The following SPEF2 variants were observed in gnomAD, a reference collection of about 807,000 sequenced individuals.
The protein encoded by SPEF2 is sperm flagella and cilia-associated protein 2.
Under a neutral mutation model 224.6 loss-of-function variants are expected in SPEF2, and 187 were observed. The ratio of observed to expected loss-of-function variants is 0.83; its 90% CI spans 0.74 to 0.94. The LOEUF is 0.94. SPEF2 is among the 40% of genes least tolerant of loss of function. The probability of loss-of-function intolerance (pLI) is 0.00; values close to 1 mark genes in which losing one functional copy is unlikely to be tolerated. For synonymous variants in SPEF2, 715 were observed against 707.3 expected, an observed-to-expected ratio of 1.01 and a Z score of -0.17; for missense variants, 2,170 against 2,135.6, an observed-to-expected ratio of 1.02 and a Z score of -0.32.
At chr5:35,698,324 A>G (rs13328131) in intron 15 of SPEF2, 23,092 of 152,198 alleles carry the variant, frequency 0.15, 2,916 homozygotes, top group African/African-American at 0.34. Context: ...CTCTGCATCT[A>G]GAATGGACTT....
chr5:35,751,113 A>ATATATATATATATATATG (rs1749578657), intron 23 of SPEF2, among the ~76,000 whole-genome samples: 1 of 120,490 alleles, frequency 8.3e-6, no homozygotes, highest in African/African-American at 3.3e-5. Context: ...ATATATATAT[A>ATATATATATATATATATG]TATATGATGG....
intron 6 of SPEF2, among the ~76,000 whole-genome samples, chr5:35,652,199 G>A (rs1748289568): frequency 6.6e-6 from 1 of 152,132 alleles, no homozygotes. Context: ...AGTACATAAT[G>A]TGTAGTTTTT....
At chr5:35,653,277 T>C (rs897222016) in intron 6 of SPEF2, among the ~76,000 whole-genome samples, 1 of 152,214 alleles carries the variant, frequency 6.6e-6, no homozygotes, top group Non-Finnish European at 1.5e-5. Flanking sequence ...CTTGAATCTC[T>C]AGGGCATGAG....
intron 23 of SPEF2, among the ~76,000 whole-genome samples, chr5:35,745,279 G>A (rs1748315167): frequency 6.6e-6 from 1 of 152,166 alleles, no homozygotes; most frequent in African/African-American, 2.4e-5. Context: ...AAAATCTCTA[G>A]CTGAACCTTG....
intron 30 of SPEF2, among the ~76,000 whole-genome samples, chr5:35,785,602 T>TG (rs1457151773): frequency 6.6e-6 from 1 of 151,746 alleles, no homozygotes; most frequent in African/African-American, 2.4e-5. Flanking sequence ...TAGAGTGCAG[T>TG]GGCACAATCA....
At chr5:35,646,890 C>G (rs1747451602) in intron 5 of SPEF2, 83 bp downstream of exon 5, 1 of 1,441,324 alleles carries the variant, frequency 6.9e-7, no homozygotes, top group African/African-American at 1.4e-5. Flanking sequence ...AGAGACTTTC[C>G]AAAACTTCAC....
At position 35,695,809 on chromosome 5, in the gene SPEF2, A is replaced by T. The variant is rs777466293; in HGVS notation, c.2037+13A>T. 1 of 1,584,806 alleles carries T rather than the reference A, an allele frequency of 6.3e-7. No individual in the cohort carries two copies. Among genetic ancestry groups the T allele is most frequent in the South Asian group, 1.1e-5 (1 of 87,706 alleles). ...TAGTTTCTTAAAAGTAAGTATTATG[A>T]TCTAATTTTAGCTACTAACATATTA... On this transcript the variant is annotated intron_variant, in intron 14 of 36. Coordinates refer to ENST00000356031, the MANE Select transcript of SPEF2 (RefSeq NM_024867.4).
intron 2 of SPEF2, among the ~76,000 whole-genome samples, chr5:35,638,780 TG>T (rs1473959249): frequency 6.6e-6 from 1 of 152,198 alleles, no homozygotes; most frequent in Admixed American, 6.5e-5. Context: ...TCCTGAAAGT[TG>T]CAGCGTGTGT....
intron 10 of SPEF2, among the ~76,000 whole-genome samples, chr5:35,683,579 C>T (rs760084557): frequency 6.6e-5 from 10 of 152,284 alleles, no homozygotes; most frequent in Non-Finnish European, 8.8e-5. Context: ...TAGCCAAGAT[C>T]GCGCTACTGC....
chr5:35,803,547 G>T (rs1380352918), intron 34 of SPEF2, among the ~76,000 whole-genome samples: 2 of 152,162 alleles, frequency 1.3e-5, no homozygotes, highest in African/African-American at 4.8e-5. Context: ...TCACACACAG[G>T]CCTGTTCCTG....
chr5:35,644,270 T>C lies in SPEF2; in HGVS notation c.415-85T>C, dbSNP rs1747031119. 4 of 1,201,730 alleles carry C rather than the reference T, an allele frequency of 3.3e-6. No individual in the cohort carries two copies. The African/African-American group carries it at 4.6e-5, about 14-fold the overall frequency. The allele number at this position is 1,201,730 out of a possible 1,614,324, so 74.4% of individuals were successfully genotyped here. A position where few individuals can be genotyped will look rare whatever the true frequency, so the allele number is the denominator to read the frequency against. ...CAATAGTAATTTAAAGAATTTCATT[T>C]TGAAGACAAATTTTATTTGTGCTTA... On this transcript the variant is annotated intron_variant, in intron 3 of 36. Transcript: ENST00000356031.
intron 14 of SPEF2, among the ~76,000 whole-genome samples, chr5:35,697,243 C>A (rs1487533329): frequency 1.3e-5 from 2 of 152,038 alleles, no homozygotes. Flanking sequence ...TATTTGAGTG[C>A]TAAAAGAAGA....
intron 21 of SPEF2, among the ~76,000 whole-genome samples, chr5:35,732,877 T>A (rs1438347267): frequency 6.6e-6 from 1 of 152,068 alleles, no homozygotes; most frequent in Admixed American, 6.5e-5. Context: ...ATCACATAAC[T>A]TTTTTTACAG....
At chr5:35,800,877 A>G (rs1757326552) in intron 34 of SPEF2, among the ~76,000 whole-genome samples, 1 of 152,208 alleles carries the variant, frequency 6.6e-6, no homozygotes, top group African/African-American at 2.4e-5. Flanking sequence ...GAGACTCCTC[A>G]GATGTTCCAG....
intron 32 of SPEF2, among the ~76,000 whole-genome samples, chr5:35,795,006 C>T (rs1188019725): frequency 6.6e-6 from 1 of 152,056 alleles, no homozygotes; most frequent in Non-Finnish European, 1.5e-5. Context: ...CAGCTCATTG[C>T]CCCTCCCCCC....
chr5:35,631,523 A>G (rs2149377874), intron 2 of SPEF2, among the ~76,000 whole-genome samples: 1 of 152,342 alleles, frequency 6.6e-6, no homozygotes, highest in East Asian at 1.9e-4. Flanking sequence ...GTGTGAATTT[A>G]ACTAATTCAG....
intron 32 of SPEF2, among the ~76,000 whole-genome samples, chr5:35,795,111 C>T (rs757678396): frequency 1.4e-4 from 22 of 152,042 alleles, no homozygotes; most frequent in Admixed American, 3.3e-4. Context: ...AAATAGTATG[C>T]TTGCATTGCG....
At chr5:35,718,286 T>C (rs1208095939) in intron 20 of SPEF2, among the ~76,000 whole-genome samples, 1 of 152,116 alleles carries the variant, frequency 6.6e-6, no homozygotes, top group African/African-American at 2.4e-5. Flanking sequence ...AGGATGCATC[T>C]GAGGGGAGTG....
At chr5:35,632,706 T>A (rs1745306324) in intron 2 of SPEF2, among the ~76,000 whole-genome samples, 1 of 152,200 alleles carries the variant, frequency 6.6e-6, no homozygotes. Context: ...GCTATAAATT[T>A]CCCTCTAAGC....
Sources: allele counts gnomAD v4.1 joint callset (sites outside exome capture counted in the v4.1 genomes callset), GRCh38; gene constraint gnomAD v4.1.1; transcripts MANE v1.5; gene names NCBI Gene and HGNC (gene_info 2026-07-23, HGNC 2026-07-21).